ASB16: variants seen among roughly 807,000 people sequenced by gnomAD.
ASB16 encodes ankyrin repeat and SOCS box protein 16.
ASB16 carries 44 observed loss-of-function variants against 39.1 expected under a neutral mutation model. The observed-to-expected ratio is 1.13, with a 90% confidence interval of 0.88 to 1.45. ASB16 has a LOEUF of 1.45. Ranked by LOEUF, ASB16 falls within the 40% of genes most tolerant of loss-of-function variation. The pLI is 0.00. For synonymous variants in ASB16, 305 were observed against 286.7 expected (o/e 1.06, Z -0.64); for missense variants, 698 against 634.5 (o/e 1.10, Z -1.07).
Position 44,172,126 on chromosome 17 carries a change from C to G in ASB16, c.382C>G (p.Arg128Gly), listed in dbSNP as rs747471011. Reference sequence around the variant, plus strand: ...AGCCCGAGGCTACACAGACTGTGCTCGACACCTGATCCGGCAGGGAGCTGA... The same window carrying G: ...AGCCCGAGGCTACACAGACTGTGCTGGACACCTGATCCGGCAGGGAGCTGA... ...ATARGYTDCA[R>G]HLIRQGAELD... The change falls in exon 2 of 5, where the codon CGA (arginine) becomes GGA (glycine). Residue 128 changes from arginine to glycine, a missense_variant. Physicochemically the swap from Arg to Gly is moderately radical, Grantham distance 125 (BLOSUM62 -2). Transcript: ENST00000293414. 6.2e-7 allele frequency: 1 copy of G among 1,611,558 alleles called. No homozygotes were observed. The highest frequency in any genetic ancestry group is 8.5e-7 in the Non-Finnish European group (1 of 1,179,968).
intron 3 of ASB16, 22 bp from the exon 4 acceptor site, chr17:44,177,587 A>C: frequency 6.2e-7 from 1 of 1,610,862 alleles, no homozygotes; most frequent in Non-Finnish European, 8.5e-7. Context: ...GCATGTGCCC[A>C]AGACCCTCTT....
chr17:44,177,402 A>G (rs1598125164), intron 3 of ASB16, 172 bp downstream of exon 3: 2 of 1,178,754 alleles, frequency 1.7e-6, no homozygotes, highest in East Asian at 5.3e-5. Flanking sequence ...GAGAGAGTCC[A>G]AGGGAGGGAA....
In ASB16 at chr17:44,177,690, T is replaced by C; in HGVS notation, c.1144T>C (p.Trp382Arg). ...AYPCVPSCETWVEAVLPELWK... is the reference protein window; with the variant it reads ...AYPCVPSCETRVEAVLPELWK... ...TCCTTGTGTCCCATCCTGTGAGACCTGGGTGGAGGCGGTGCTCCCAGAGCT... is the reference window on the plus strand; with the variant it reads ...TCCTTGTGTCCCATCCTGTGAGACCCGGGTGGAGGCGGTGCTCCCAGAGCT... The change falls in exon 4 of 5, where the codon TGG becomes CGG. Residue 382 changes from tryptophan to arginine, a missense_variant. Physicochemically the swap from Trp to Arg is moderately radical, Grantham distance 101 (BLOSUM62 -3). Transcript: ENST00000293414. 6.2e-7 allele frequency: 1 copy of C among 1,613,804 alleles called. No homozygotes were observed. Among genetic ancestry groups the C allele is most frequent in the Non-Finnish European group, 8.5e-7 (1 of 1,179,798 alleles).
chr17:44,171,760 A>G (rs1010607934), intron 1 of ASB16, among the ~76,000 whole-genome samples: 7 of 151,898 alleles, frequency 4.6e-5, no homozygotes, highest in Admixed American at 4.6e-4. Flanking sequence ...AATGGGAGTC[A>G]CTCTACTTAG....
chr17:44,177,371 G>C (rs2054313547), intron 3 of ASB16, 141 bp downstream of exon 3: 3 of 1,272,660 alleles, frequency 2.4e-6, no homozygotes, highest in Non-Finnish European at 3.2e-6. Context: ...CAGCTTGGGA[G>C]GGGGAGAGAG....
intron 2 of ASB16, among the ~76,000 whole-genome samples, chr17:44,174,939 T>C (rs1010115698): frequency 6.7e-6 from 1 of 149,682 alleles, no homozygotes; most frequent in Non-Finnish European, 1.5e-5. Flanking sequence ...CTGTCTCTAC[T>C]AAAAATACAA....
At chr17:44,175,195 C>T (rs2054277559) in intron 2 of ASB16, among the ~76,000 whole-genome samples, 1 of 150,620 alleles carries the variant, frequency 6.6e-6, no homozygotes, top group Admixed American at 6.6e-5. Context: ...GTCAGGAGAT[C>T]GAGACCATCC....
chr17:44,172,180 G>C lies in ASB16; in HGVS notation c.436G>C (p.Ala146Pro). ...ELDARVGGRA[A>P]LHEACARAQF... Reference sequence around the variant, plus strand: ...GGATGCCCGTGTCGGGGGTCGCGCTGCCTTGCATGAGGCCTGTGCCCGAGC... The same window carrying C: ...GGATGCCCGTGTCGGGGGTCGCGCTCCCTTGCATGAGGCCTGTGCCCGAGC... Residue 146 changes from alanine (A) to proline (P), a missense_variant, in exon 2 of 5, where the codon GCC (alanine) becomes CCC (proline). Physicochemically the swap from Ala to Pro is conservative, Grantham distance 27. Coordinates refer to ENST00000293414, the MANE Select transcript of ASB16 (RefSeq NM_080863.5). 1 of 1,612,742 alleles carries C rather than the reference G, an allele frequency of 6.2e-7. No homozygotes were observed. The highest frequency in any genetic ancestry group is 8.5e-7 in the Non-Finnish European group (1 of 1,179,988).
At position 44,178,312 on chromosome 17, in the gene ASB16, G is replaced by A. The variant is rs1209359030; in HGVS notation, c.1284G>A (p.Arg428=). 6.2e-7 allele frequency: 1 copy of A among 1,612,034 alleles called. No homozygotes were observed. The highest frequency in any genetic ancestry group is 8.5e-7 in the Non-Finnish European group (1 of 1,179,562). Residue 428 remains arginine (R), a synonymous_variant, in exon 5 of 5, where the codon CGG becomes CGA. Transcript: ENST00000293414. ...AVRARLGSRC[R]QGATRLPLPP... is the part of the protein sequence containing the mutation. Reference sequence around the variant, plus strand: ...GCGCTCGGTTGGGAAGCCGCTGCCGGCAGGGTGCCACCCGGCTGCCACTGC... The same window carrying A: ...GCGCTCGGTTGGGAAGCCGCTGCCGACAGGGTGCCACCCGGCTGCCACTGC...
Position 44,176,807 on chromosome 17 carries a change from C to A in ASB16, c.639C>A (p.Pro213=). The change falls in exon 3 of 5, where the codon CCC becomes CCA. Residue 213 remains proline, a synonymous_variant. Coordinates refer to ENST00000293414, the MANE Select transcript of ASB16 (RefSeq NM_080863.5). The part of the protein sequence containing the change: ...NLAAGESQET[P]LHVAAARGLE... ...CAGCAGGCGAGAGCCAGGAGACGCCCCTGCACGTGGCGGCGGCGCGCGGCC... is the reference window on the plus strand; with the variant it reads ...CAGCAGGCGAGAGCCAGGAGACGCCACTGCACGTGGCGGCGGCGCGCGGCC... 6.2e-7 allele frequency: 1 copy of A among 1,613,682 alleles called. No individual in the cohort carries two copies. The highest frequency in any genetic ancestry group is 8.5e-7 in the Non-Finnish European group (1 of 1,179,882).
At chr17:44,177,748 GGGA>G (rs1445186240) in intron 4 of ASB16, 26 bp downstream of exon 4, 9 of 1,609,240 alleles carry the variant, frequency 5.6e-6, no homozygotes, top group African/African-American at 1.3e-5. Context: ...GGCCGAGATG[GGGA>G]GGAGGGACGA....
chr17:44,172,557 C>CT (rs2054251893), intron 2 of ASB16, among the ~76,000 whole-genome samples: 1 of 152,178 alleles, frequency 6.6e-6, no homozygotes, highest in African/African-American at 2.4e-5. Flanking sequence ...AGCCCTGTTG[C>CT]TTTTTGGGAA....
chr17:44,177,472 G>A (rs1290649420), intron 3 of ASB16, 137 bp from the exon 4 acceptor site: 58 of 1,237,514 alleles, frequency 4.7e-5, no homozygotes, highest in Non-Finnish European at 6.2e-5. Context: ...GGGGTAGACA[G>A]AGGCACAAAA....
rs201053641 is a variant in ASB16, at chr17:44,176,793, A to G, written c.625A>G (p.Ser209Gly). The G allele has an allele frequency of 1.2e-4, 196 of 1,613,472 alleles. 1 individual carries two copies. The highest frequency in any genetic ancestry group is 1.2e-5 in the Non-Finnish European group (14 of 1,179,826). Residue 209 changes from serine (S) to glycine (G), a missense_variant, in exon 3 of 5, where the codon AGC becomes GGC. Transcript: ENST00000293414. ...GACGGTGAACCTGGCAGCAGGCGAG[A>G]GCCAGGAGACGCCCCTGCACGTGGC... ...GATVNLAAGE[S>G]QETPLHVAAA...
chr17:44,174,035 C>CTG (rs1567730931), intron 2 of ASB16, among the ~76,000 whole-genome samples: 1 of 127,790 alleles, frequency 7.8e-6, no homozygotes, highest in African/African-American at 3.3e-5. Flanking sequence ...CCACACCTGG[C>CTG]TATTTTTTTT....
chr17:44,177,792 C>T, intron 4 of ASB16, 70 bp downstream of exon 4: 1 of 1,572,340 alleles, frequency 6.4e-7, no homozygotes, highest in Non-Finnish European at 8.6e-7. Context: ...GGACCAGCCT[C>T]ATGGAGGGAG....
In ASB16 at chr17:44,178,313, C is replaced by T; in HGVS notation, c.1285C>T (p.Gln429Ter). The T allele has an allele frequency of 1.2e-6, 2 of 1,612,024 alleles. No homozygotes were observed. Among genetic ancestry groups the T allele is most frequent in the Non-Finnish European group, 8.5e-7 (1 of 1,179,534 alleles). Reference sequence around the variant, plus strand: ...CGCTCGGTTGGGAAGCCGCTGCCGGCAGGGTGCCACCCGGCTGCCACTGCC... The same window carrying T: ...CGCTCGGTTGGGAAGCCGCTGCCGGTAGGGTGCCACCCGGCTGCCACTGCC... ...VRARLGSRCR[Q>*]GATRLPLPPL... is the part of the protein sequence containing the mutation. Residue 429 changes from glutamine to a stop codon, truncating the protein, a stop_gained, in exon 5 of 5, where the codon CAG becomes TAG. Coordinates refer to ENST00000293414, the MANE Select transcript of ASB16 (RefSeq NM_080863.5). LOFTEE classifies it high-confidence loss of function.
chr17:44,178,029 G>A (rs972927714), intron 4 of ASB16, among the ~76,000 whole-genome samples, 176 bp from the exon 5 acceptor site: 1 of 152,120 alleles, frequency 6.6e-6, no homozygotes, highest in Non-Finnish European at 1.5e-5. Flanking sequence ...CTTCCCTGAA[G>A]TGGAGCCCCA....
chr17:44,177,490 G>GA, intron 3 of ASB16, 119 bp from the exon 4 acceptor site: 1 of 1,331,214 alleles, frequency 7.5e-7, no homozygotes, highest in Non-Finnish European at 1.0e-6. Flanking sequence ...AAAAAGGGAA[G>GA]AGAGACTCAG....
Sources: gnomAD v4.1 joint callset for allele counts (sites outside exome capture counted in the v4.1 genomes callset) on GRCh38, gnomAD v4.1.1 for gene constraint, MANE v1.5 for transcripts, NCBI Gene and HGNC (gene_info 2026-07-23, HGNC 2026-07-21) for gene names.